The following ZCRB1 variants were observed in gnomAD, a reference collection of about 807,000 sequenced individuals.
ZCRB1 encodes the protein zinc finger CCHC-type and RNA-binding motif-containing protein 1.
A neutral mutation model predicts 29.9 loss-of-function variants in ZCRB1; 21 were observed. The ratio of observed to expected loss-of-function variants is 0.70; its 90% confidence interval spans 0.50 to 1.01. ZCRB1 has a LOEUF of 1.01. Ranked by LOEUF, ZCRB1 falls within the 50% of genes least tolerant of loss-of-function variation. ZCRB1 has a pLI of 0.00. For synonymous variants in ZCRB1, 77 were observed against 80.0 expected, an observed-to-expected ratio of 0.96 and a Z score of 0.20; for missense variants, 204 against 253.3, an observed-to-expected ratio of 0.81 and a Z score of 1.32.
chr12:42,323,262 A>G (rs1241299627), intron 2 of ZCRB1, among the ~76,000 whole-genome samples: 1 of 152,212 alleles, frequency 6.6e-6, no homozygotes, highest in Non-Finnish European at 1.5e-5. Context: ...ACAGTCTTCT[A>G]TATAATACTT....
At chr12:42,314,146 A>G (rs1056533930) in intron 5 of ZCRB1, among the ~76,000 whole-genome samples, 160 bp from the exon 6 acceptor site, 8 of 152,142 alleles carry the variant, frequency 5.3e-5, no homozygotes, top group African/African-American at 1.9e-4. Flanking sequence ...CCAGTACTTT[A>G]ATATTTAGAA....
intron 5 of ZCRB1, among the ~76,000 whole-genome samples, chr12:42,316,686 G>C (rs2068596235): frequency 6.6e-6 from 1 of 152,140 alleles, no homozygotes; most frequent in South Asian, 2.1e-4. Flanking sequence ...TGTTGCTATT[G>C]AACTGTGACT....
intron 2 of ZCRB1, among the ~76,000 whole-genome samples, chr12:42,322,849 A>G (rs1020469196): frequency 2.0e-5 from 3 of 152,282 alleles, no homozygotes; most frequent in Admixed American, 2.0e-4. Flanking sequence ...TACCCTCACC[A>G]CTACCTTGTT....
chr12:42,314,058 C>T (rs1396568062), intron 5 of ZCRB1, 72 bp from the exon 6 acceptor site: 1 of 1,495,808 alleles, frequency 6.7e-7, no homozygotes. Context: ...TGCCTGGTAC[C>T]TTATTACTAA....
chr12:42,313,707 G>A lies in ZCRB1; in HGVS notation c.505C>T (p.Gln169Ter). The change falls in exon 7 of 8, where the codon CAG becomes TAG. Residue 169 changes from glutamine (Q) to a stop codon, truncating the protein, a stop_gained. Coordinates refer to ENST00000266529, the MANE Select transcript of ZCRB1 (RefSeq NM_033114.4). LOFTEE classifies it high-confidence loss of function. ...TTTAATACCTGGAATGCTATGGCCT[G>A]ACTGAGGCTGTCAAGAGCAGGATCC... ...GEDPALDSLS[Q>*]AIAFQQAKIE... The A allele has an allele frequency of 6.2e-7, 1 of 1,613,856 alleles. No homozygotes were observed. The highest frequency in any genetic ancestry group is 8.5e-7 in the Non-Finnish European group (1 of 1,179,912).
intron 1 of ZCRB1, chr12:42,325,593 G>A (rs1476762484): frequency 1.3e-5 from 2 of 151,484 alleles, no homozygotes; most frequent in African/African-American, 2.5e-5. Flanking sequence ...AGCGTGCGGT[G>A]TGTATTTGAG....
intron 2 of ZCRB1, 96 bp downstream of exon 2, chr12:42,323,923 A>G (rs75897318): frequency 1.9e-5 from 7 of 369,804 alleles, no homozygotes; most frequent in Non-Finnish European, 2.9e-5. Flanking sequence ...TCAAAAAAAG[A>G]AAAAAAAAAA....
intron 1 of ZCRB1, among the ~76,000 whole-genome samples, chr12:42,325,163 TAGG>T (rs540904963): frequency 3.0e-4 from 46 of 152,326 alleles, no homozygotes; most frequent in African/African-American, 1.0e-3. Flanking sequence ...ATTACACTCT[TAGG>T]AGACCACTGT....
At position 42,313,743 on chromosome 12, in the gene ZCRB1, C is replaced by T. The variant is rs374331529; in HGVS notation, c.469G>A (p.Asp157Asn). The part of the protein sequence containing the change: ...EEIEEVEESE[D>N]EGEDPALDSL... Reference sequence around the variant, plus strand: ...TCAAGAGCAGGATCCTCCCCTTCATCTTCACTTTCTTCTACTTCCTCACTT... The same window carrying T: ...TCAAGAGCAGGATCCTCCCCTTCATTTTCACTTTCTTCTACTTCCTCACTT... Residue 157 changes from aspartate to asparagine, a missense_variant, in exon 7 of 8, where the codon GAT becomes AAT. Physicochemically the swap from Asp to Asn is conservative, Grantham distance 23. Coordinates refer to ENST00000266529, the MANE Select transcript of ZCRB1 (RefSeq NM_033114.4). 2 of 1,614,076 alleles carry T rather than the reference C, an allele frequency of 1.2e-6. No homozygotes were observed. The highest frequency in any genetic ancestry group is 1.1e-5 in the South Asian group (1 of 91,070).
rs1371316243 is a variant in ZCRB1 at position 42,313,794 on chromosome 12, TAACCAACCAATAATCAAAAGC to T, written c.447-50_447-30del. 2.5e-6 allele frequency: 4 copies of T among 1,612,800 alleles called. No individual in the cohort carries two copies. The Admixed American group carries it at 5.0e-5, about 20-fold the overall frequency. On this transcript the variant is annotated intron_variant, in intron 6 of 7. Coordinates refer to ENST00000266529, the MANE Select transcript of ZCRB1 (RefSeq NM_033114.4). ...AAATAAAGAAAAACAAATTGGAATG[TAACCAACCAATAATCAAAAGC>T]AACCAACCAAAAGACAAAAGCAACA...
intron 3 of ZCRB1, among the ~76,000 whole-genome samples, chr12:42,319,466 C>A (rs538994630): frequency 6.6e-6 from 1 of 152,316 alleles, no homozygotes; most frequent in Non-Finnish European, 1.5e-5. Flanking sequence ...CCTTCCCACG[C>A]ACACACTATG....
chr12:42,319,281 G>C (rs1260973062), intron 3 of ZCRB1, among the ~76,000 whole-genome samples: 1 of 151,878 alleles, frequency 6.6e-6, no homozygotes, highest in African/African-American at 2.4e-5. Context: ...TTCCTTTATG[G>C]TAATTTTTTC....
intron 5 of ZCRB1, among the ~76,000 whole-genome samples, chr12:42,315,406 C>T (rs2068590037): frequency 6.6e-6 from 1 of 152,096 alleles, no homozygotes; most frequent in South Asian, 2.1e-4. Flanking sequence ...AGACTGTGCA[C>T]TTTGTATACC....
intron 3 of ZCRB1, 100 bp downstream of exon 3, chr12:42,322,318 C>T: frequency 4.4e-6 from 5 of 1,138,156 alleles, no homozygotes; most frequent in Non-Finnish European, 6.0e-6. Flanking sequence ...TTTATTATAT[C>T]AAGCATGTTT....
At chr12:42,318,953 TGGA>T (rs1464363106) in intron 3 of ZCRB1, among the ~76,000 whole-genome samples, 3 of 151,930 alleles carry the variant, frequency 2.0e-5, no homozygotes, top group African/African-American at 7.3e-5. Context: ...AATAAATAAG[TGGA>T]GGAGATGGGA....
intron 3 of ZCRB1, 104 bp downstream of exon 3, chr12:42,322,314 A>G: frequency 9.0e-7 from 1 of 1,105,356 alleles, no homozygotes; most frequent in Non-Finnish European, 1.2e-6. Context: ...TTTCTTTATT[A>G]TATCAAGCAT....
chr12:42,324,510 G>A (rs2068652454), intron 1 of ZCRB1, among the ~76,000 whole-genome samples: 2 of 151,818 alleles, frequency 1.3e-5, no homozygotes, highest in East Asian at 3.8e-4. Context: ...GTATTATTTG[G>A]AAAAAAACAA....
At chr12:42,323,966 T>C in intron 2 of ZCRB1, 53 bp downstream of exon 2, 1 of 1,469,692 alleles carries the variant, frequency 6.8e-7, no homozygotes, top group Non-Finnish European at 9.4e-7. Context: ...GAGAACTATT[T>C]GCTTAAGGTT....
Position 42,324,010 on chromosome 12 carries a change from T to C in ZCRB1, c.84+9A>G. 3 of 1,610,688 alleles carry C rather than the reference T, an allele frequency of 1.9e-6. No individual in the cohort carries two copies. Among genetic ancestry groups the C allele is most frequent in the Non-Finnish European group, 1.7e-6 (2 of 1,176,980 alleles). On this transcript the variant is annotated intron_variant, in intron 2 of 7. Coordinates refer to ENST00000266529, the MANE Select transcript of ZCRB1 (RefSeq NM_033114.4). ...CTCAAATAGCAGTCACTCGATAAGA[T>C]TTACTTACCCGGTACAAGTCATTGT...
Sources: allele counts gnomAD v4.1 joint callset (sites outside exome capture counted in the v4.1 genomes callset), GRCh38; gene constraint gnomAD v4.1.1; transcripts MANE v1.5; gene names NCBI Gene and HGNC (gene_info 2026-07-23, HGNC 2026-07-21).